Variants in AUTS2 observed in about 807,000 individuals in gnomAD.
AUTS2 encodes the protein autism susceptibility gene 2 protein.
AUTS2 carries 17 observed loss-of-function variants against 112.4 expected under a neutral mutation model. That is an observed-to-expected ratio of 0.15 (90% confidence interval 0.10 to 0.23). The LOEUF (loss-of-function observed/expected upper bound fraction) is 0.23, where lower values mean the gene tolerates loss of function less well. Ranked by LOEUF, AUTS2 falls within the 10% of genes least tolerant of loss-of-function variation. The probability of loss-of-function intolerance (pLI) is 1.00; values close to 1 mark genes in which losing one functional copy is unlikely to be tolerated. For missense variants in AUTS2, 1,510 were observed against 1,701.6 expected (o/e 0.89, Z 1.98); for synonymous variants, 751 against 702.7 (o/e 1.07, Z -1.09).
chr7:70,782,639 C>T (rs1791165854), intron 15 of AUTS2: 1 of 152,178 alleles, frequency 6.6e-6, no homozygotes, highest in African/African-American at 2.4e-5. Context: ...TGGCACTGAG[C>T]TCATTCTGCT....
intron 11 of AUTS2, among the ~76,000 whole-genome samples, chr7:70,772,161 G>T (rs950438447): frequency 2.6e-5 from 4 of 152,142 alleles, no homozygotes; most frequent in Admixed American, 6.5e-5. Flanking sequence ...CGGCAGGTGG[G>T]GTGGTCGCCT....
rs1799039850 is a variant in AUTS2, at chr7:70,508,075, G to C, written c.690+72294G>C. Among the ~76,000 whole-genome samples, 4 of 152,220 alleles carry C rather than the reference G, an allele frequency of 2.6e-5. No individual in the cohort carries two copies. In the South Asian group the frequency reaches 8.3e-4, roughly 32 times the overall value. ...GCAGAAGGCTTGATTTAATCGAAGA[G>C]CTGTCATTTATTATTCTGTTGTGCA... On this transcript the variant is annotated intron_variant, in intron 5 of 18. Transcript: ENST00000342771.
intron 1 of AUTS2, among the ~76,000 whole-genome samples, chr7:69,642,698 CCTCTTCCTGTT>C (rs1308038192): frequency 6.6e-6 from 1 of 152,172 alleles, no homozygotes; most frequent in African/African-American, 2.4e-5. Context: ...TTATTTCAGG[CCTCTTCCTGTT>C]CTCTTCCTTG....
intron 1 of AUTS2, among the ~76,000 whole-genome samples, chr7:69,809,874 C>T (rs536612206): frequency 6.6e-6 from 1 of 152,330 alleles, no homozygotes; most frequent in South Asian, 2.1e-4. Flanking sequence ...GTTAGAATAA[C>T]ACGAAACCTC....
At chr7:70,595,143 G>A (rs141998029) in intron 5 of AUTS2, among the ~76,000 whole-genome samples, 76 of 152,122 alleles carry the variant, frequency 5.0e-4, no homozygotes, top group African/African-American at 1.8e-3. Flanking sequence ...TGGTCAGGAT[G>A]TCCCAAGCTG....
At chr7:69,874,556 T>G in intron 1 of AUTS2, among the ~76,000 whole-genome samples, 1 of 152,128 alleles carries the variant, frequency 6.6e-6, no homozygotes, top group East Asian at 1.9e-4. Context: ...TGAGGAGGTC[T>G]GAATTAAGGT....
intron 2 of AUTS2, among the ~76,000 whole-genome samples, chr7:69,930,599 G>A (rs1185562640): frequency 1.3e-5 from 2 of 152,146 alleles, no homozygotes; most frequent in Non-Finnish European, 2.9e-5. Flanking sequence ...TCAGGCAGGA[G>A]ACTGTATCTA....
chr7:70,446,481 A>G (rs1796323893), intron 5 of AUTS2, among the ~76,000 whole-genome samples: 1 of 151,964 alleles, frequency 6.6e-6, no homozygotes, highest in Non-Finnish European at 1.5e-5. Flanking sequence ...ATTTGTATTT[A>G]CTTTGGGAGT....
intron 5 of AUTS2, among the ~76,000 whole-genome samples, chr7:70,554,393 CTTTTTTTTTT>C (rs34757734): frequency 1.1e-4 from 13 of 116,056 alleles, no homozygotes; most frequent in Admixed American, 2.8e-4. Context: ...TCTTTTCTTT[CTTTTTTTTTT>C]TTTTTTTTTT....
intron 1 of AUTS2, among the ~76,000 whole-genome samples, chr7:69,632,533 T>G (rs1794297147): frequency 2.3e-5 from 3 of 133,192 alleles, no homozygotes; most frequent in South Asian, 5.3e-4. Flanking sequence ...CTCTCCTCCC[T>G]TCTCTCTTCC....
chr7:70,123,168 G>A (rs7800886), intron 3 of AUTS2, among the ~76,000 whole-genome samples: 2,183 of 152,200 alleles, frequency 0.014, 36 homozygotes, highest in South Asian at 0.036. Flanking sequence ...GAGCCACCAT[G>A]TTCGGCCGAG....
At chr7:70,665,722 C>T (rs143319461) in intron 5 of AUTS2, among the ~76,000 whole-genome samples, 1 of 152,156 alleles carries the variant, frequency 6.6e-6, no homozygotes, top group Non-Finnish European at 1.5e-5. Context: ...CTTTTTAAAC[C>T]AAACTTGGAT....
At chr7:69,927,902 G>A (rs773098556) in intron 2 of AUTS2, among the ~76,000 whole-genome samples, 10 of 152,196 alleles carry the variant, frequency 6.6e-5, no homozygotes, top group African/African-American at 1.9e-4. Context: ...GGGTATTACC[G>A]GGCTACCTGA....
intron 4 of AUTS2, among the ~76,000 whole-genome samples, chr7:70,325,953 A>G (rs948292098): frequency 2.6e-5 from 4 of 152,198 alleles, no homozygotes; most frequent in African/African-American, 9.7e-5. Context: ...TGACTCAGCA[A>G]TCAAACTGTT....
chr7:70,517,834 C>G (rs3113271), intron 5 of AUTS2, among the ~76,000 whole-genome samples: 1 of 151,600 alleles, frequency 6.6e-6, no homozygotes, highest in Non-Finnish European at 1.5e-5. Flanking sequence ...TTGTATATAC[C>G]CACACACACA....
chr7:70,620,802 C>T (rs1804632025), intron 5 of AUTS2, among the ~76,000 whole-genome samples: 1 of 152,176 alleles, frequency 6.6e-6, no homozygotes, highest in Non-Finnish European at 1.5e-5. Flanking sequence ...GGCTCCATGG[C>T]CTCTTTGTTG....
intron 2 of AUTS2, among the ~76,000 whole-genome samples, chr7:69,953,844 A>G (rs1205931925): frequency 1.3e-5 from 2 of 152,170 alleles, no homozygotes; most frequent in Non-Finnish European, 2.9e-5. Context: ...TCAGCTGGAA[A>G]CAAGAGTTGT....
At chr7:70,558,898 C>T (rs1801360564) in intron 5 of AUTS2, among the ~76,000 whole-genome samples, 1 of 152,160 alleles carries the variant, frequency 6.6e-6, no homozygotes. Flanking sequence ...GACATTATTC[C>T]TGTTTCACCT....
chr7:69,678,835 A>G (rs1473663155), intron 1 of AUTS2, among the ~76,000 whole-genome samples: 1 of 152,200 alleles, frequency 6.6e-6, no homozygotes, highest in Non-Finnish European at 1.5e-5. Flanking sequence ...CAACTTGCCC[A>G]CTGTATTATA....
Sources: gnomAD v4.1 joint callset for allele counts (sites outside exome capture counted in the v4.1 genomes callset) on GRCh38, gnomAD v4.1.1 for gene constraint, MANE v1.5 for transcripts, NCBI Gene and HGNC (gene_info 2026-07-23, HGNC 2026-07-21) for gene names.